HS6ST3: variants seen among roughly 807,000 people sequenced by gnomAD.
HS6ST3 encodes heparan-sulfate 6-O-sulfotransferase 3.
Under a neutral mutation model 36.7 loss-of-function variants are expected in HS6ST3, and 12 were observed. The observed-to-expected ratio is 0.33, with a 90% CI of 0.21 to 0.53. HS6ST3 has a LOEUF of 0.53. Among genes scored for constraint, HS6ST3 ranks in the 20% least tolerant of loss-of-function variants. The pLI is 0.95. For missense variants in HS6ST3, 584 were observed against 640.9 expected (o/e 0.91, Z 0.96); for synonymous variants, 240 against 257.5 (o/e 0.93, Z 0.65).
At chr13:96,198,152 C>A (rs1409453658) in intron 1 of HS6ST3, among the ~76,000 whole-genome samples, 12 of 152,222 alleles carry the variant, frequency 7.9e-5, no homozygotes, top group Non-Finnish European at 1.6e-4. Context: ...ACAGCCTGAG[C>A]TACATGTTAG....
At chr13:96,265,321 C>T (rs796416440) in intron 1 of HS6ST3, among the ~76,000 whole-genome samples, 5 of 150,964 alleles carry the variant, frequency 3.3e-5, no homozygotes, top group Admixed American at 1.3e-4. Context: ...ACTACAGGCA[C>T]GTAACACCAT....
intron 1 of HS6ST3, among the ~76,000 whole-genome samples, chr13:96,799,984 A>ATATACATATATG: frequency 1.1e-5 from 1 of 92,430 alleles, no homozygotes; most frequent in East Asian, 3.7e-4. Context: ...ATATATATGT[A>ATATACATATATG]TATATATATA....
intron 1 of HS6ST3, among the ~76,000 whole-genome samples, chr13:96,422,886 C>G (rs2055568502): frequency 6.6e-6 from 1 of 152,162 alleles, no homozygotes; most frequent in Non-Finnish European, 1.5e-5. Context: ...TCTTAAGCAT[C>G]AAGTCCTACC....
At chr13:96,565,548 G>T (rs2056278051) in intron 1 of HS6ST3, among the ~76,000 whole-genome samples, 1 of 152,138 alleles carries the variant, frequency 6.6e-6, no homozygotes, top group African/African-American at 2.4e-5. Flanking sequence ...AATGCAGAAG[G>T]TGGCATGGGA....
intron 1 of HS6ST3, among the ~76,000 whole-genome samples, chr13:96,161,054 A>T (rs1195830381): frequency 6.6e-6 from 1 of 152,234 alleles, no homozygotes; most frequent in Non-Finnish European, 1.5e-5. Context: ...ATATTTGCCA[A>T]GTAGCATTTC....
chr13:96,507,687 T>TA (rs2056032134), intron 1 of HS6ST3, among the ~76,000 whole-genome samples: 1 of 152,000 alleles, frequency 6.6e-6, no homozygotes, highest in Non-Finnish European at 1.5e-5. Flanking sequence ...ATTATCTCTC[T>TA]AAAAAGGCTA....
intron 1 of HS6ST3, among the ~76,000 whole-genome samples, chr13:96,360,011 G>A (rs932103039): frequency 3.9e-5 from 6 of 152,098 alleles, no homozygotes; most frequent in Admixed American, 1.3e-4. Flanking sequence ...GAGAAGTGAC[G>A]TAGTCTAGGT....
At chr13:96,264,661 C>T (rs115057259) in intron 1 of HS6ST3, among the ~76,000 whole-genome samples, 2,371 of 152,174 alleles carry the variant, frequency 0.016, 63 homozygotes, top group African/African-American at 0.055. Context: ...CTATTCAAGC[C>T]CTTTTCCCAG....
chr13:96,289,896 A>G (rs1287724203), intron 1 of HS6ST3, among the ~76,000 whole-genome samples: 2 of 152,176 alleles, frequency 1.3e-5, no homozygotes, highest in Non-Finnish European at 2.9e-5. Flanking sequence ...AAGAGAAGCA[A>G]GAGAACATGA....
intron 1 of HS6ST3, among the ~76,000 whole-genome samples, chr13:96,517,315 G>A (rs950101033): frequency 6.6e-6 from 1 of 152,138 alleles, no homozygotes; most frequent in Non-Finnish European, 1.5e-5. Flanking sequence ...GGAAGGTTGA[G>A]GCTGCAGTGA....
At chr13:96,104,619 C>T (rs1465203233) in intron 1 of HS6ST3, among the ~76,000 whole-genome samples, 1 of 152,204 alleles carries the variant, frequency 6.6e-6, no homozygotes, top group Non-Finnish European at 1.5e-5. Context: ...TGGGCTCTTG[C>T]AATATAGTCC....
At chr13:96,825,531 T>A (rs373383139) in intron 1 of HS6ST3, among the ~76,000 whole-genome samples, 338 of 152,278 alleles carry the variant, frequency 2.2e-3, no homozygotes, top group African/African-American at 7.7e-3. Flanking sequence ...CACCCACAGT[T>A]CTGGGGTTGT....
At chr13:96,317,378 A>ATATATATAAAATTATATATATATAAAAT (rs1555297630) in intron 1 of HS6ST3, among the ~76,000 whole-genome samples, 3 of 101,320 alleles carry the variant, frequency 3.0e-5, no homozygotes, top group African/African-American at 1.1e-4. Flanking sequence ...AAAATTATAT[A>ATATATATAAAATTATATATATATAAAAT]TATATATATA....
At position 96,799,814 on chromosome 13, in the gene HS6ST3, G is replaced by C. The variant is rs949022365; in HGVS notation, c.708-32676G>C. Among the ~76,000 whole-genome samples, 22 of 150,430 alleles carry C rather than the reference G, an allele frequency of 1.5e-4. 1 individual carries two copies. The highest frequency in any genetic ancestry group is 7.0e-3 in the Middle Eastern group (2 of 286). On this transcript the variant is annotated intron_variant, in intron 1 of 1. Transcript: ENST00000376705. ...AAAAAAAACTGTGAACATATTTATGGGCTGAATTGTGGTCTTCATCCCAGT... is the reference window on the plus strand; with the variant it reads ...AAAAAAAACTGTGAACATATTTATGCGCTGAATTGTGGTCTTCATCCCAGT...
chr13:96,113,838 CATT>C (rs2053881738), intron 1 of HS6ST3, among the ~76,000 whole-genome samples: 1 of 151,980 alleles, frequency 6.6e-6, no homozygotes, highest in African/African-American at 2.4e-5. Context: ...TTCATTTTAC[CATT>C]ATTTATAATG....
chr13:96,291,404 G>A (rs1442905980), intron 1 of HS6ST3, among the ~76,000 whole-genome samples: 2 of 152,166 alleles, frequency 1.3e-5, no homozygotes, highest in African/African-American at 4.8e-5. Context: ...TTCTCAACAT[G>A]CCTGGTGCAG....
intron 1 of HS6ST3, among the ~76,000 whole-genome samples, chr13:96,285,000 T>C (rs1369615061): frequency 1.3e-5 from 2 of 151,430 alleles, no homozygotes; most frequent in African/African-American, 4.9e-5. Flanking sequence ...TTTCAGGAAA[T>C]GAGAATGTGC....
chr13:96,687,685 G>A (rs752780926), intron 1 of HS6ST3, among the ~76,000 whole-genome samples: 10 of 151,872 alleles, frequency 6.6e-5, no homozygotes, highest in Non-Finnish European at 1.5e-4. Context: ...GCGGATAAGG[G>A]CAGGTGTGGT....
chr13:96,564,465 T>C (rs1390858349), intron 1 of HS6ST3, among the ~76,000 whole-genome samples: 1 of 152,188 alleles, frequency 6.6e-6, no homozygotes, highest in Non-Finnish European at 1.5e-5. Flanking sequence ...GAATGTCTCA[T>C]TGGCACACTG....
Sources: allele counts gnomAD v4.1 joint callset (sites outside exome capture counted in the v4.1 genomes callset), GRCh38; gene constraint gnomAD v4.1.1; transcripts MANE v1.5; gene names NCBI Gene and HGNC (gene_info 2026-07-23, HGNC 2026-07-21).